The following MED12L variants were observed in gnomAD, a reference collection of about 807,000 sequenced individuals.
The protein encoded by MED12L is mediator complex subunit 12L, also known as mediator of RNA polymerase II transcription subunit 12-like protein.
MED12L carries 60 observed loss-of-function variants against 281.3 expected under a neutral mutation model. The observed-to-expected ratio is 0.21, with a 90% confidence interval of 0.17 to 0.26. The LOEUF (loss-of-function observed/expected upper bound fraction) is 0.26. Ranked by LOEUF, MED12L falls within the 10% of genes least tolerant of loss-of-function variation. The probability of loss-of-function intolerance (pLI) is 1.00; values close to 1 mark genes in which losing one functional copy is unlikely to be tolerated. For missense variants in MED12L, 2,146 were observed against 2,680.9 expected, an observed-to-expected ratio of 0.80 and a Z score of 4.41; for synonymous variants, 974 against 987.2, an observed-to-expected ratio of 0.99 and a Z score of 0.25.
At position 151,435,246 on chromosome 3, in the gene MED12L, A is replaced by G. The variant is rs1260561260; in HGVS notation, c.*2442A>G. On this transcript the variant is annotated 3_prime_UTR_variant, in exon 45 of 45. Transcript: ENST00000687756. Reference sequence around the variant, plus strand: ...ACCTTGAAATCAAATGGAGTCAGCTATACCTATCAATCAATCACAGTTCTT... The same window carrying G: ...ACCTTGAAATCAAATGGAGTCAGCTGTACCTATCAATCAATCACAGTTCTT... 1 of 40,152 alleles carries G rather than the reference A, an allele frequency of 2.5e-5. No individual in the cohort carries two copies. Among genetic ancestry groups the G allele is most frequent in the African/African-American group, 1.5e-4 (1 of 6,532 alleles). 2.5% of individuals were successfully genotyped at this position (40,152 alleles called of 1,614,324 possible).
chr3:151,308,128 G>A (rs1012327871), intron 16 of MED12L, among the ~76,000 whole-genome samples: 3 of 152,108 alleles, frequency 2.0e-5, no homozygotes, highest in African/African-American at 7.2e-5. Flanking sequence ...TTCATGGCAA[G>A]TATACTTTGC....
intron 6 of MED12L, 149 bp downstream of exon 6, chr3:151,156,479 A>AT: frequency 2.8e-6 from 2 of 704,550 alleles, no homozygotes; most frequent in Non-Finnish European, 4.5e-6. Flanking sequence ...ATCGAATTGT[A>AT]TTCAGGGTGA....
intron 16 of MED12L, among the ~76,000 whole-genome samples, chr3:151,293,128 A>G (rs138008810): frequency 7.0e-4 from 107 of 152,330 alleles, no homozygotes; most frequent in African/African-American, 2.5e-3. Context: ...GTAAGACACT[A>G]GACACTTAGA....
intron 4 of MED12L, among the ~76,000 whole-genome samples, chr3:151,125,588 C>A (rs930485711): frequency 3.9e-5 from 6 of 152,200 alleles, no homozygotes; most frequent in African/African-American, 1.4e-4. Flanking sequence ...ACCTGTATAA[C>A]CTTTTGGCAT....
chr3:151,334,128 A>G (rs1179486992), intron 16 of MED12L, among the ~76,000 whole-genome samples: 6 of 151,556 alleles, frequency 4.0e-5, no homozygotes, highest in African/African-American at 1.5e-4. Flanking sequence ...TAAGTGAAAA[A>G]GCCATGTTAT....
At chr3:151,374,715 T>C (rs1035892954) in intron 27 of MED12L, among the ~76,000 whole-genome samples, 6 of 152,218 alleles carry the variant, frequency 3.9e-5, no homozygotes, top group African/African-American at 1.4e-4. Flanking sequence ...GTGTATTCTT[T>C]ATGTGAAATA....
intron 2 of MED12L, among the ~76,000 whole-genome samples, chr3:151,100,158 A>G (rs1721222065): frequency 6.6e-6 from 1 of 152,204 alleles, no homozygotes; most frequent in Admixed American, 6.5e-5. Flanking sequence ...TTCTTCTTAG[A>G]AAGGAGAGGA....
chr3:151,135,694 G>A (rs1422784749), intron 5 of MED12L, among the ~76,000 whole-genome samples: 3 of 152,144 alleles, frequency 2.0e-5, no homozygotes, highest in Non-Finnish European at 4.4e-5. Context: ...TGGGCCACTG[G>A]AGGCAACAAG....
intron 3 of MED12L, among the ~76,000 whole-genome samples, chr3:151,117,945 G>A (rs1713097908): frequency 6.6e-6 from 1 of 151,950 alleles, no homozygotes; most frequent in African/African-American, 2.4e-5. Context: ...ATAAAAATTA[G>A]CTGGGTGTGG....
chr3:151,087,046 C>G lies in MED12L; in HGVS notation c.99+21C>G, dbSNP rs763321165. On this transcript the variant is annotated intron_variant, in intron 2 of 44. Coordinates refer to ENST00000687756, the MANE Select transcript of MED12L (RefSeq NM_001393769.1). ...AGGAGGTAAGGGCGCCGGCGGCCTCCCCGGCAACCGGGGCCGCGCTCTGCA... is the reference window on the plus strand; with the variant it reads ...AGGAGGTAAGGGCGCCGGCGGCCTCGCCGGCAACCGGGGCCGCGCTCTGCA... 5 of 1,584,326 alleles carry G rather than the reference C, an allele frequency of 3.2e-6. No homozygotes were observed. The South Asian group carries it at 5.7e-5, about 18-fold the overall frequency.
chr3:151,276,023 G>T (rs1032290084), intron 16 of MED12L, among the ~76,000 whole-genome samples: 7 of 152,170 alleles, frequency 4.6e-5, no homozygotes, highest in Admixed American at 4.6e-4. Flanking sequence ...AACTGGCAGG[G>T]TGATCATATT....
At chr3:151,218,012 G>A (rs570272688) in intron 16 of MED12L, among the ~76,000 whole-genome samples, 22 of 152,246 alleles carry the variant, frequency 1.4e-4, no homozygotes, top group African/African-American at 5.3e-4. Flanking sequence ...AAAAAGACAT[G>A]CATCATTTGG....
intron 16 of MED12L, among the ~76,000 whole-genome samples, chr3:151,274,713 TATAAGTTATA>T (rs1005514425): frequency 6.6e-6 from 1 of 152,202 alleles, no homozygotes; most frequent in African/African-American, 2.4e-5. Flanking sequence ...AATGTAATCT[TATAAGTTATA>T]ATATGTCCAA....
rs776115775 is a variant in MED12L, at chr3:151,198,828, T to C, written c.2250+5162T>C. ...ATGATGGCTGAGAAATTTAAAAATA[T>C]TGCTACACATATGAAATTTGTCAGC... is the stretch of plus-strand genomic sequence containing the variant. On this transcript the variant is annotated intron_variant, in intron 16 of 44. Transcript: ENST00000687756. 5.0e-6 allele frequency: 8 copies of C among 1,613,332 alleles called. No individual in the cohort carries two copies. In the African/African-American group the frequency reaches 9.3e-5, roughly 19 times the overall value.
chr3:151,264,766 C>CGT, intron 16 of MED12L, among the ~76,000 whole-genome samples: 1 of 152,106 alleles, frequency 6.6e-6, no homozygotes, highest in Non-Finnish European at 1.5e-5. Flanking sequence ...CCACCCAGTG[C>CGT]GTGTGTGTGT....
Position 151,367,633 on chromosome 3 carries a change from G to T in MED12L, c.3328-13G>T. The T allele has an allele frequency of 6.3e-7, 1 of 1,597,348 alleles. No homozygotes were observed. Among genetic ancestry groups the T allele is most frequent in the Non-Finnish European group, 8.6e-7 (1 of 1,169,192 alleles). ...TTGTTAGGTATTAAAACCTGTCAAT[G>T]TTTTTCTTGAAGGTGAGTGACCTTT... is the stretch of plus-strand genomic sequence containing the variant. On this transcript the variant is annotated splice_polypyrimidine_tract_variant and intron_variant, in intron 23 of 44. Coordinates refer to ENST00000687756, the MANE Select transcript of MED12L (RefSeq NM_001393769.1).
In MED12L at chr3:151,378,227, T is replaced by C. The variant is rs112216333; in HGVS notation, c.4478+54T>C. On this transcript the variant is annotated intron_variant, in intron 31 of 44. Transcript: ENST00000687756. ...AGAGTTTAAAGAATAATTGAGAAAG[T>C]CTCACTTCCTGTAAACCTGTGTGGT... 8.7e-3 allele frequency: 12,883 copies of C among 1,488,624 alleles called. 90 individuals are homozygous for C. The highest frequency in any genetic ancestry group is 0.022 in the South Asian group (1,620 of 74,528). 92.2% of individuals were successfully genotyped at this position (1,488,624 alleles called of 1,614,324 possible).
chr3:151,376,361 CT>C, intron 28 of MED12L, 147 bp downstream of exon 28: 1 of 645,172 alleles, frequency 1.5e-6, no homozygotes, highest in Non-Finnish European at 2.4e-6. Flanking sequence ...AATTGACATA[CT>C]TTATTTTTGG....
At chr3:151,235,820 T>C (rs1222266355) in intron 16 of MED12L, among the ~76,000 whole-genome samples, 4 of 152,180 alleles carry the variant, frequency 2.6e-5, no homozygotes, top group South Asian at 4.1e-4. Flanking sequence ...TGCTGGTCTC[T>C]GTTAAAATGT....
Sources: gnomAD v4.1 joint callset for allele counts (sites outside exome capture counted in the v4.1 genomes callset) on GRCh38, gnomAD v4.1.1 for gene constraint, MANE v1.5 for transcripts, NCBI Gene and HGNC (gene_info 2026-07-23, HGNC 2026-07-21) for gene names.